The following CACNB2 variants were observed in gnomAD, a reference collection of about 807,000 sequenced individuals.
The protein encoded by CACNB2 is calcium voltage-gated channel auxiliary subunit beta 2, also known as voltage-dependent L-type calcium channel subunit beta-2.
CACNB2 carries 42 observed loss-of-function variants against 73.3 expected under a neutral mutation model. The ratio of observed to expected loss-of-function variants is 0.57; its 90% CI spans 0.45 to 0.74. The LOEUF (loss-of-function observed/expected upper bound fraction) is 0.74, where lower values mean the gene tolerates loss of function less well. Ranked by LOEUF, CACNB2 falls within the 30% of genes least tolerant of loss-of-function variation. CACNB2 has a pLI of 0.00. For missense variants in CACNB2, 940 were observed against 853.0 expected, an observed-to-expected ratio of 1.10 and a Z score of -1.27; for synonymous variants, 348 against 310.3, an observed-to-expected ratio of 1.12 and a Z score of -1.28.
At chr10:18,426,371 TTCTC>T (rs1232510170) in intron 3 of CACNB2, among the ~76,000 whole-genome samples, 3 of 152,232 alleles carry the variant, frequency 2.0e-5, no homozygotes, top group Non-Finnish European at 1.5e-5. Flanking sequence ...TCTCTCACCT[TTCTC>T]TCTCAAGTTA....
At chr10:18,529,442 G>A (rs548018638) in intron 10 of CACNB2, among the ~76,000 whole-genome samples, 38 of 152,330 alleles carry the variant, frequency 2.5e-4, no homozygotes, top group Admixed American at 1.0e-3. Flanking sequence ...AGAGGGTGAT[G>A]AGCAAAGTGG....
chr10:18,306,734 A>G (rs1402106905), intron 2 of CACNB2, among the ~76,000 whole-genome samples: 6 of 152,180 alleles, frequency 3.9e-5, no homozygotes, highest in Non-Finnish European at 7.3e-5. Flanking sequence ...GTTGCCAAAG[A>G]CTGAGCTGTT....
intron 2 of CACNB2, among the ~76,000 whole-genome samples, chr10:18,356,946 T>TC (rs1229711729): frequency 2.3e-5 from 2 of 88,244 alleles, no homozygotes; most frequent in African/African-American, 7.2e-5. Context: ...CAATTTCTTT[T>TC]TTTTTTTTTT....
chr10:18,325,332 GGCATGCACCACCATGCCCA>G (rs374164184), intron 2 of CACNB2, among the ~76,000 whole-genome samples: 53 of 152,160 alleles, frequency 3.5e-4, no homozygotes, highest in African/African-American at 1.2e-3. Context: ...TGGGACTACA[GGCATGCACCACCATGCCCA>G]GCTAATTTTT....
At chr10:18,311,479 A>T (rs1005263703) in intron 2 of CACNB2, among the ~76,000 whole-genome samples, 1 of 152,182 alleles carries the variant, frequency 6.6e-6, no homozygotes, top group African/African-American at 2.4e-5. Flanking sequence ...CCTTACTACT[A>T]ATAGCCTACT....
chr10:18,233,467 T>C (rs1373846172), intron 2 of CACNB2, among the ~76,000 whole-genome samples: 1 of 152,076 alleles, frequency 6.6e-6, no homozygotes, highest in East Asian at 1.9e-4. Flanking sequence ...CTCTCTCTAT[T>C]GCTCTGCTAG....
Position 18,534,040 on chromosome 10 carries a change from TACTGCACTTTAACTGA to T in CACNB2, c.1055-34_1055-19del. On this transcript the variant is annotated intron_variant, in intron 10 of 13. Transcript: ENST00000324631. ...ATACCATTTTACTTTATCTTAAAAATACTGCACTTTAACTGAATTGTTTCGCCCTTTACAGCGGAAG... is the reference window on the plus strand; with the variant it reads ...ATACCATTTTACTTTATCTTAAAAATATTGTTTCGCCCTTTACAGCGGAAG... 1 of 1,611,202 alleles carries T rather than the reference TACTGCACTTTAACTGA, an allele frequency of 6.2e-7. No homozygotes were observed. Among genetic ancestry groups the T allele is most frequent in the Non-Finnish European group, 8.5e-7 (1 of 1,177,378 alleles).
At position 18,481,201 on chromosome 10, in the gene CACNB2, TATATATATATATATATATATATATATATA is replaced by T. The variant is rs1564599072; in HGVS notation, c.334-17153_334-17125del. Among the ~76,000 whole-genome samples, 19 of 6,618 alleles carry T rather than the reference TATATATATATATATATATATATATATATA, an allele frequency of 2.9e-3. 1 individual carries two copies. Among genetic ancestry groups the T allele is most frequent in the African/African-American group, 3.8e-3 (8 of 2,082 alleles). The allele number at this position is 6,618 out of a possible 152,430, so 4.3% of individuals were successfully genotyped here. A position where few individuals can be genotyped will look rare whatever the true frequency, so the allele number is the denominator to read the frequency against. ...TAATATTACATCTTCGCTATATATA[TATATATATATATATATATATATATATATA>T]TTTTTTTTTTTTTTTTTTTTTTTTT... On this transcript the variant is annotated intron_variant, in intron 3 of 13. Coordinates refer to ENST00000324631, the MANE Select transcript of CACNB2 (RefSeq NM_201596.3).
chr10:18,230,771 T>A (rs1341371003), intron 2 of CACNB2, among the ~76,000 whole-genome samples: 1 of 151,986 alleles, frequency 6.6e-6, no homozygotes, highest in African/African-American at 2.4e-5. Flanking sequence ...TTCTTTAATG[T>A]AAATGATAAA....
intron 2 of CACNB2, among the ~76,000 whole-genome samples, chr10:18,160,052 A>G (rs575285252): frequency 6.6e-6 from 1 of 152,334 alleles, no homozygotes; most frequent in African/African-American, 2.4e-5. Context: ...CCTGTATACT[A>G]TTAAAACATT....
At position 18,425,579 on chromosome 10, in the gene CACNB2, G is replaced by C. The variant is rs11014187; in HGVS notation, c.333+23536G>C. 1.0e-3 allele frequency among the ~76,000 whole-genome samples: 157 copies of C among 152,160 alleles called. 3 individuals are homozygous for C. In the East Asian group the frequency reaches 0.027, roughly 26 times the overall value. On this transcript the variant is annotated intron_variant, in intron 3 of 13. Transcript: ENST00000324631. Reference sequence around the variant, plus strand: ...GCTACTTGGGAGGCTGAGTTGGGGGGGTTGCTTGAGCCCAGGAGGTCAAGG... The same window carrying C: ...GCTACTTGGGAGGCTGAGTTGGGGGCGTTGCTTGAGCCCAGGAGGTCAAGG...
chr10:18,414,270 T>C (rs559352208), intron 3 of CACNB2, among the ~76,000 whole-genome samples: 1 of 152,328 alleles, frequency 6.6e-6, no homozygotes, highest in South Asian at 2.1e-4. Flanking sequence ...GCCTGAGTTA[T>C]CAAGAGCAAT....
chr10:18,276,540 ACCCAGCTCTGTAAT>A (rs1260104322), intron 2 of CACNB2, among the ~76,000 whole-genome samples: 3 of 152,110 alleles, frequency 2.0e-5, no homozygotes, highest in Admixed American at 6.6e-5. Context: ...AGTGGCACGC[ACCCAGCTCTGTAAT>A]CCCAGAGCTT....
chr10:18,429,468 A>G lies in CACNB2; in HGVS notation c.333+27425A>G, dbSNP rs903735875. 1.2e-4 allele frequency among the ~76,000 whole-genome samples: 19 copies of G among 152,128 alleles called. 1 individual carries two copies. Among genetic ancestry groups the G allele is most frequent in the African/African-American group, 4.3e-4 (18 of 41,432 alleles). On this transcript the variant is annotated intron_variant, in intron 3 of 13. Transcript: ENST00000324631. ...GAAAACCCTCAACCATTAGCTCTTA[A>G]AAGTTGAAAAGTAAATGAAGTCATC...
chr10:18,401,837 G>A, intron 2 of CACNB2, 87 bp from the exon 3 acceptor site: 2 of 1,307,872 alleles, frequency 1.5e-6, no homozygotes, highest in East Asian at 2.3e-5. Context: ...AGAACAATCC[G>A]GGAAGCTAAC....
At chr10:18,338,776 C>G (rs1162228743) in intron 2 of CACNB2, among the ~76,000 whole-genome samples, 1 of 133,886 alleles carries the variant, frequency 7.5e-6, no homozygotes, top group South Asian at 2.5e-4. Context: ...GGTCTTGGCT[C>G]CACCCAGGCT....
chr10:18,460,695 A>G (rs117632060), intron 3 of CACNB2, among the ~76,000 whole-genome samples: 4,630 of 152,118 alleles, frequency 0.03, 103 homozygotes, highest in East Asian at 0.11. Context: ...GTTCGAGAGC[A>G]GCCTGGACAA....
At chr10:18,457,886 A>G (rs563710425) in intron 3 of CACNB2, among the ~76,000 whole-genome samples, 1 of 152,156 alleles carries the variant, frequency 6.6e-6, no homozygotes, top group East Asian at 1.9e-4. Context: ...GCAAAACTCC[A>G]TCTCAAAAAA....
At chr10:18,189,620 T>C (rs2034306211) in intron 2 of CACNB2, among the ~76,000 whole-genome samples, 1 of 152,230 alleles carries the variant, frequency 6.6e-6, no homozygotes, top group Admixed American at 6.5e-5. Flanking sequence ...TACTTTTTTA[T>C]TATAAAAATT....
Sources: allele counts gnomAD v4.1 joint callset (sites outside exome capture counted in the v4.1 genomes callset), GRCh38; gene constraint gnomAD v4.1.1; transcripts MANE v1.5; gene names NCBI Gene and HGNC (gene_info 2026-07-23, HGNC 2026-07-21).